The following PRLR variants were observed in gnomAD, a reference collection of about 807,000 sequenced individuals.
PRLR encodes the protein hPRL receptor.
PRLR carries 13 observed loss-of-function variants against 40.2 expected under a neutral mutation model. The observed-to-expected ratio is 0.32, with a 90% CI of 0.21 to 0.51. PRLR has a LOEUF of 0.51. Ranked by LOEUF, PRLR falls within the 20% of genes least tolerant of loss-of-function variation. The pLI is 0.97. For missense variants in PRLR, 656 were observed against 747.3 expected, an observed-to-expected ratio of 0.88 and a Z score of 1.42; for synonymous variants, 269 against 278.7, an observed-to-expected ratio of 0.97 and a Z score of 0.35.
chr5:35,070,790 C>A (rs1243648782), intron 6 of PRLR, among the ~76,000 whole-genome samples: 1 of 147,348 alleles, frequency 6.8e-6, no homozygotes, highest in South Asian at 2.1e-4. Context: ...TTTCAGTGAG[C>A]CGAGATCGTG....
intron 6 of PRLR, among the ~76,000 whole-genome samples, chr5:35,071,712 C>T (rs1354543026): frequency 6.6e-6 from 1 of 152,144 alleles, no homozygotes; most frequent in South Asian, 2.1e-4. Context: ...ATTCTCCTGC[C>T]TCAGCCTTCA....
intron 1 of PRLR, among the ~76,000 whole-genome samples, chr5:35,194,207 G>A (rs1205311863): frequency 6.6e-6 from 1 of 152,194 alleles, no homozygotes; most frequent in Admixed American, 6.5e-5. Flanking sequence ...TTTCATTGGT[G>A]TAATAAATAT....
At chr5:35,109,374 A>G (rs148558988) in intron 2 of PRLR, among the ~76,000 whole-genome samples, 8,612 of 152,256 alleles carry the variant, frequency 0.057, 830 homozygotes, top group African/African-American at 0.2. Context: ...AATGGGATCT[A>G]ATTAAACTAA....
chr5:35,213,542 A>C (rs965340825), intron 1 of PRLR, among the ~76,000 whole-genome samples: 1 of 152,062 alleles, frequency 6.6e-6, no homozygotes, highest in African/African-American at 2.4e-5. Context: ...TTAAATTCTT[A>C]TTACACACTT....
chr5:35,165,524 T>C (rs1167547789), intron 1 of PRLR, among the ~76,000 whole-genome samples: 2 of 152,236 alleles, frequency 1.3e-5, no homozygotes, highest in African/African-American at 4.8e-5. Context: ...TTGAGATGTC[T>C]ATTGAAAGGG....
At chr5:35,178,934 T>G (rs1016111878) in intron 1 of PRLR, among the ~76,000 whole-genome samples, 5 of 152,196 alleles carry the variant, frequency 3.3e-5, no homozygotes, top group Non-Finnish European at 5.9e-5. Flanking sequence ...GGCTAAAGTT[T>G]TCAGGAATGG....
At chr5:35,104,826 T>G (rs1772124483) in intron 2 of PRLR, among the ~76,000 whole-genome samples, 1 of 152,192 alleles carries the variant, frequency 6.6e-6, no homozygotes, top group Admixed American at 6.5e-5. Flanking sequence ...CAGCAGAAAC[T>G]TCTGCAGACT....
At chr5:35,127,080 C>T (rs1039736072) in intron 1 of PRLR, among the ~76,000 whole-genome samples, 3 of 152,212 alleles carry the variant, frequency 2.0e-5, no homozygotes, top group African/African-American at 7.2e-5. Flanking sequence ...TGCAGAACTC[C>T]TTGCTCCCAG....
At chr5:35,218,961 A>G (rs1242556985) in intron 1 of PRLR, among the ~76,000 whole-genome samples, 2 of 152,144 alleles carry the variant, frequency 1.3e-5, no homozygotes, top group Non-Finnish European at 2.9e-5. Context: ...AGGAAAAGAG[A>G]GGGCATTTCA....
intron 1 of PRLR, among the ~76,000 whole-genome samples, chr5:35,151,936 A>G (rs1160385716): frequency 6.6e-6 from 1 of 152,214 alleles, no homozygotes; most frequent in East Asian, 1.9e-4. Context: ...GTGGTTTGTT[A>G]TAAAGCAACT....
chr5:35,187,820 C>T (rs953369825), intron 1 of PRLR, among the ~76,000 whole-genome samples: 1 of 152,134 alleles, frequency 6.6e-6, no homozygotes, highest in African/African-American at 2.4e-5. Context: ...CCTGTTTACC[C>T]AGTGAAATGA....
chr5:35,074,882 C>G (rs1207283553), intron 5 of PRLR, among the ~76,000 whole-genome samples: 1 of 152,010 alleles, frequency 6.6e-6, no homozygotes, highest in African/African-American at 2.4e-5. Flanking sequence ...GACTTAGGTG[C>G]TGGGGTGCTG....
Position 35,070,009 on chromosome 5 carries a change from C to T in PRLR, c.685+115G>A. Reference sequence around the variant, plus strand: ...ATTGGGCAGAAAGATTATAAACCCACCTCTATTGTTCTGGCTAAGGCTCAA... The same window carrying T: ...ATTGGGCAGAAAGATTATAAACCCATCTCTATTGTTCTGGCTAAGGCTCAA... On this transcript the variant is annotated intron_variant, in intron 7 of 9. Coordinates refer to ENST00000618457, the MANE Select transcript of PRLR (RefSeq NM_000949.7). 3.3e-6 allele frequency: 4 copies of T among 1,206,416 alleles called. No individual in the cohort carries two copies. The South Asian group carries it at 4.9e-5, about 15-fold the overall frequency. The allele number at this position is 1,206,416 out of a possible 1,614,324, so 74.7% of individuals were successfully genotyped here.
At chr5:35,098,015 T>C (rs1432884778) in intron 2 of PRLR, among the ~76,000 whole-genome samples, 3 of 152,134 alleles carry the variant, frequency 2.0e-5, no homozygotes, top group African/African-American at 7.2e-5. Flanking sequence ...GTGTGATCTG[T>C]TGGGTTATTG....
intron 2 of PRLR, among the ~76,000 whole-genome samples, chr5:35,090,752 A>G (rs1771144901): frequency 6.7e-6 from 1 of 149,434 alleles, no homozygotes; most frequent in African/African-American, 2.5e-5. Context: ...AACGATAGCA[A>G]CAGTAGAGGT....
intron 1 of PRLR, among the ~76,000 whole-genome samples, chr5:35,140,756 T>A (rs1773999128): frequency 6.6e-6 from 1 of 152,238 alleles, no homozygotes; most frequent in Non-Finnish European, 1.5e-5. Flanking sequence ...TCTGTTCTGA[T>A]TGGTCAGTGG....
chr5:35,191,857 A>T lies in PRLR; in HGVS notation c.-106+38411T>A, dbSNP rs886200416. 2.9e-4 allele frequency among the ~76,000 whole-genome samples: 44 copies of T among 152,320 alleles called. 1 individual carries two copies. Among genetic ancestry groups the T allele is most frequent in the Admixed American group, 2.9e-3 (44 of 15,300 alleles). ...TTACGATTTCAGCTACTTGAATCCC[A>T]GTTTTCCAGTGACCACCAGGCTTCC... On this transcript the variant is annotated intron_variant, in intron 1 of 9. Coordinates refer to ENST00000618457, the MANE Select transcript of PRLR (RefSeq NM_000949.7).
chr5:35,122,369 T>C (rs985736277), intron 1 of PRLR, among the ~76,000 whole-genome samples: 2 of 152,170 alleles, frequency 1.3e-5, no homozygotes, highest in African/African-American at 4.8e-5. Context: ...CAACATCCAT[T>C]AGCTATTCTT....
chr5:35,085,636 C>A (rs1579611732), intron 4 of PRLR, among the ~76,000 whole-genome samples: 1 of 152,054 alleles, frequency 6.6e-6, no homozygotes, highest in Non-Finnish European at 1.5e-5. Flanking sequence ...GTTTGAAAAC[C>A]TAATATACCA....
Sources: gnomAD v4.1 joint callset for allele counts (sites outside exome capture counted in the v4.1 genomes callset) on GRCh38, gnomAD v4.1.1 for gene constraint, MANE v1.5 for transcripts, NCBI Gene and HGNC (gene_info 2026-07-23, HGNC 2026-07-21) for gene names.